Variants in ANXA10 observed in about 807,000 individuals in gnomAD.
ANXA10 encodes the protein annexin 14.
A neutral mutation model predicts 53.5 loss-of-function variants in ANXA10; 49 were observed. The observed-to-expected ratio is 0.92, with a 90% CI of 0.73 to 1.16. The LOEUF (loss-of-function observed/expected upper bound fraction) is 1.16. Ranked by LOEUF, ANXA10 falls within the 50% of genes most tolerant of loss-of-function variation. The probability of loss-of-function intolerance (pLI) is 0.00; values close to 1 mark genes in which losing one functional copy is unlikely to be tolerated. For missense variants in ANXA10, 393 were observed against 394.4 expected (o/e 1.00, Z 0.03); for synonymous variants, 131 against 128.9 (o/e 1.02, Z -0.11).
chr4:168,168,320 C>T (rs770967283), intron 6 of ANXA10, among the ~76,000 whole-genome samples: 32 of 152,158 alleles, frequency 2.1e-4, no homozygotes, highest in Non-Finnish European at 3.2e-4. Flanking sequence ...CTGGCTAAAC[C>T]CTCACTCAAG....
intron 3 of ANXA10, among the ~76,000 whole-genome samples, chr4:168,154,915 T>C (rs1050758463): frequency 1.3e-5 from 2 of 152,220 alleles, no homozygotes; most frequent in African/African-American, 2.4e-5. Context: ...CTAGTTGTTA[T>C]GATAATCATC....
At chr4:168,171,360 C>T (rs1731983874) in intron 6 of ANXA10, among the ~76,000 whole-genome samples, 1 of 152,122 alleles carries the variant, frequency 6.6e-6, no homozygotes. Flanking sequence ...AGGATATGAG[C>T]TCATCCTTCT....
At chr4:168,149,191 T>C (rs1348063136) in intron 3 of ANXA10, among the ~76,000 whole-genome samples, 1 of 152,214 alleles carries the variant, frequency 6.6e-6, no homozygotes, top group African/African-American at 2.4e-5. Flanking sequence ...TCTGGAAGAC[T>C]GGAAATAGTG....
chr4:168,153,808 T>A (rs1310987092), intron 3 of ANXA10, among the ~76,000 whole-genome samples: 1 of 152,164 alleles, frequency 6.6e-6, no homozygotes, highest in Non-Finnish European at 1.5e-5. Context: ...TTAAGGAACA[T>A]ATTTAGAATC....
At chr4:168,104,833 T>C (rs1302318550) in intron 1 of ANXA10, among the ~76,000 whole-genome samples, 2 of 150,960 alleles carry the variant, frequency 1.3e-5, no homozygotes, top group Non-Finnish European at 3.0e-5. Flanking sequence ...TTTTATTGAT[T>C]TTACTCTTGT....
intron 3 of ANXA10, among the ~76,000 whole-genome samples, chr4:168,144,727 G>A (rs1414126557): frequency 1.3e-5 from 2 of 152,196 alleles, no homozygotes; most frequent in Non-Finnish European, 2.9e-5. Flanking sequence ...TGAGATTCCA[G>A]AGAGAATCCA....
chr4:168,095,485 T>C (rs1228321312), intron 1 of ANXA10, among the ~76,000 whole-genome samples: 1 of 152,048 alleles, frequency 6.6e-6, no homozygotes, highest in Non-Finnish European at 1.5e-5. Flanking sequence ...TTACCTAAAA[T>C]AGCATTATGT....
intron 2 of ANXA10, among the ~76,000 whole-genome samples, chr4:168,131,847 T>G (rs1019347457): frequency 1.3e-5 from 2 of 152,082 alleles, no homozygotes; most frequent in Non-Finnish European, 2.9e-5. Flanking sequence ...GGTATATAAT[T>G]CTTCATTCTT....
chr4:168,142,325 C>T (rs1308712779), intron 3 of ANXA10, among the ~76,000 whole-genome samples: 1 of 152,180 alleles, frequency 6.6e-6, no homozygotes. Flanking sequence ...CTCTCCCCTT[C>T]CCTAACACAA....
Position 168,092,729 on chromosome 4 carries a change from T to C in ANXA10, c.18+11T>C. ...TTTTGTGGAGACTATGTGAGTATAA[T>C]GCTTATTTCTGTAAAGCTTTTCACT... On this transcript the variant is annotated intron_variant, in intron 1 of 11. Transcript: ENST00000359299. The C allele has an allele frequency of 6.4e-7, 1 of 1,561,810 alleles. No homozygotes were observed. The highest frequency in any genetic ancestry group is 8.6e-7 in the Non-Finnish European group (1 of 1,156,452).
chr4:168,166,245 A>G (rs1193309920), intron 6 of ANXA10, among the ~76,000 whole-genome samples: 5 of 152,218 alleles, frequency 3.3e-5, no homozygotes, highest in Non-Finnish European at 1.5e-5. Context: ...AAATGCCAGC[A>G]TATGATCTTT....
chr4:168,178,583 G>A (rs1043972820), intron 8 of ANXA10, among the ~76,000 whole-genome samples: 2 of 151,868 alleles, frequency 1.3e-5, no homozygotes, highest in Admixed American at 1.3e-4. Flanking sequence ...GACATTACCT[G>A]TCTTAATGAT....
chr4:168,131,493 G>T (rs1731156357), intron 2 of ANXA10, among the ~76,000 whole-genome samples: 1 of 152,006 alleles, frequency 6.6e-6, no homozygotes, highest in African/African-American at 2.4e-5. Flanking sequence ...CCAGTTGATT[G>T]ATGGTGCTGT....
chr4:168,121,574 A>C (rs1730985681), intron 1 of ANXA10, among the ~76,000 whole-genome samples: 1 of 152,176 alleles, frequency 6.6e-6, no homozygotes, highest in Admixed American at 6.5e-5. Flanking sequence ...AGTTAATCTC[A>C]AAAATTTGAT....
chr4:168,164,276 G>A lies in ANXA10; in HGVS notation c.388G>A (p.Ala130Thr), dbSNP rs765035973. 77 of 1,610,210 alleles carry A rather than the reference G, an allele frequency of 4.8e-5. 1 individual carries two copies. The East Asian group carries it at 1.7e-3, about 35-fold the overall frequency. ...TGGAGAAATTTTCCAGATGCGAGAA[G>A]CCTACTGCTTGCGTAAGGAAATATA... Reference protein sequence around the residue: ...TNGEIFQMREAYCLQYSNNLQ... With the variant: ...TNGEIFQMRETYCLQYSNNLQ... Residue 130 changes from alanine (A) to threonine (T), a missense_variant, in exon 5 of 12, where the codon GCC becomes ACC. Ala to Thr is a moderately conservative substitution (Grantham distance 58). Transcript: ENST00000359299.
chr4:168,136,615 C>A (rs1261586351), intron 2 of ANXA10, among the ~76,000 whole-genome samples: 1 of 152,180 alleles, frequency 6.6e-6, no homozygotes, highest in Non-Finnish European at 1.5e-5. Context: ...GAGGTGGGCT[C>A]CCAAGGCCTC....
intron 1 of ANXA10, among the ~76,000 whole-genome samples, chr4:168,118,679 A>G (rs1253164986): frequency 6.6e-6 from 1 of 152,190 alleles, no homozygotes; most frequent in Admixed American, 6.5e-5. Flanking sequence ...TCTCCTTCAG[A>G]GCCATTTCAT....
chr4:168,139,087 A>G (rs1021574948), intron 2 of ANXA10, among the ~76,000 whole-genome samples: 1 of 151,536 alleles, frequency 6.6e-6, no homozygotes, highest in Non-Finnish European at 1.5e-5. Flanking sequence ...GGTGTTTTTT[A>G]TTTTTTTCTC....
At chr4:168,171,996 C>T (rs575443555) in intron 6 of ANXA10, among the ~76,000 whole-genome samples, 14 of 152,306 alleles carry the variant, frequency 9.2e-5, no homozygotes, top group African/African-American at 2.9e-4. Flanking sequence ...CAACAGCTTT[C>T]AATAATCATC....
Sources: allele counts gnomAD v4.1 joint callset (sites outside exome capture counted in the v4.1 genomes callset), GRCh38; gene constraint gnomAD v4.1.1; transcripts MANE v1.5; gene names NCBI Gene and HGNC (gene_info 2026-07-23, HGNC 2026-07-21).